Variants in DYM observed in about 807,000 individuals in gnomAD.
DYM encodes the protein dyggve-Melchior-Clausen syndrome protein.
DYM carries 78 observed loss-of-function variants against 93.1 expected under a neutral mutation model. The observed-to-expected ratio is 0.84, with a 90% confidence interval of 0.70 to 1.01. DYM has a LOEUF of 1.01. DYM is among the 50% of genes least tolerant of loss of function. The pLI is 0.00. For synonymous variants in DYM, 321 were observed against 319.7 expected (o/e 1.00, Z -0.04); for missense variants, 789 against 845.0 (o/e 0.93, Z 0.82).
intron 1 of DYM, among the ~76,000 whole-genome samples, chr18:49,433,163 G>A (rs575325102): frequency 5.9e-5 from 9 of 152,232 alleles, no homozygotes; most frequent in South Asian, 4.1e-4. Flanking sequence ...AACAGCTCCC[G>A]GATCAACCAG....
At chr18:49,368,065 T>C (rs887689922) in intron 5 of DYM, among the ~76,000 whole-genome samples, 3 of 152,192 alleles carry the variant, frequency 2.0e-5, no homozygotes, top group African/African-American at 7.2e-5. Context: ...GCAAAAGGAC[T>C]CTTCTAAAAA....
chr18:49,433,936 G>A (rs79393768), intron 1 of DYM, among the ~76,000 whole-genome samples: 13,853 of 152,138 alleles, frequency 0.091, 846 homozygotes, highest in East Asian at 0.31. Context: ...GTGGCCAGGC[G>A]CGGTCGCTCA....
At chr18:49,268,618 G>A (rs532681514) in intron 11 of DYM, among the ~76,000 whole-genome samples, 21 of 152,180 alleles carry the variant, frequency 1.4e-4, no homozygotes, top group African/African-American at 4.1e-4. Flanking sequence ...AGTTTTTTGT[G>A]TGGTTACAGT....
chr18:49,114,443 A>C (rs758898650), intron 16 of DYM: 2 of 569,706 alleles, frequency 3.5e-6, no homozygotes, highest in Non-Finnish European at 4.4e-6. Context: ...AAAAGTGAGC[A>C]CTGGGTATAA....
chr18:49,272,035 T>G (rs1162833009), intron 11 of DYM, 143 bp downstream of exon 11: 3 of 515,792 alleles, frequency 5.8e-6, no homozygotes, highest in Non-Finnish European at 9.7e-6. Context: ...CACCGCTTCA[T>G]AAATCTGAAG....
chr18:49,331,529 C>A (rs985655311), intron 8 of DYM, among the ~76,000 whole-genome samples: 2 of 152,166 alleles, frequency 1.3e-5, no homozygotes, highest in African/African-American at 4.8e-5. Flanking sequence ...AAATAGATTT[C>A]CTCTTATAAT....
At chr18:49,164,535 A>G (rs1302717679) in intron 14 of DYM, among the ~76,000 whole-genome samples, 3 of 152,222 alleles carry the variant, frequency 2.0e-5, no homozygotes, top group Non-Finnish European at 2.9e-5. Context: ...AGGCAGAGAG[A>G]GGAATTTAAC....
chr18:49,140,413 A>G (rs540254747), intron 15 of DYM, among the ~76,000 whole-genome samples: 6 of 152,326 alleles, frequency 3.9e-5, no homozygotes, highest in Admixed American at 1.3e-4. Flanking sequence ...AGAGATACTT[A>G]AATACATCCT....
intron 16 of DYM, chr18:49,114,362 GC>G (rs1568444065): frequency 4.2e-5 from 7 of 165,652 alleles, no homozygotes. Context: ...CAAATGTTTA[GC>G]CTGAGAATGC....
chr18:49,293,142 C>A (rs1328385713), intron 8 of DYM, among the ~76,000 whole-genome samples: 1 of 152,148 alleles, frequency 6.6e-6, no homozygotes, highest in Admixed American at 6.5e-5. Context: ...CATGTCCCTG[C>A]AAAGGACATG....
intron 15 of DYM, among the ~76,000 whole-genome samples, chr18:49,152,956 G>A (rs796071483): frequency 6.6e-6 from 1 of 152,194 alleles, no homozygotes; most frequent in East Asian, 1.9e-4. Context: ...TGGTTGCCAG[G>A]GGGTGGGGGA....
intron 14 of DYM, among the ~76,000 whole-genome samples, chr18:49,200,128 G>A (rs1173482897): frequency 6.6e-6 from 1 of 152,042 alleles, no homozygotes; most frequent in Non-Finnish European, 1.5e-5. Context: ...AAGTGGCATT[G>A]CATTATGTTA....
At chr18:49,333,616 C>T (rs1320731137) in intron 7 of DYM, 112 bp downstream of exon 7, 20 of 1,204,846 alleles carry the variant, frequency 1.7e-5, no homozygotes, top group Non-Finnish European at 2.4e-5. Flanking sequence ...AATAGAACAA[C>T]TAGAGGAAAT....
At chr18:49,438,096 C>A (rs918251683) in intron 1 of DYM, among the ~76,000 whole-genome samples, 14 of 152,272 alleles carry the variant, frequency 9.2e-5, no homozygotes, top group African/African-American at 2.9e-4. Context: ...ATCGCTTGAG[C>A]CCAGGAGTTC....
intron 6 of DYM, among the ~76,000 whole-genome samples, chr18:49,344,791 G>A (rs983936650): frequency 6.6e-6 from 1 of 151,946 alleles, no homozygotes; most frequent in African/African-American, 2.4e-5. Flanking sequence ...AAAAAGAAAT[G>A]GAAGAATTCC....
At chr18:49,167,900 C>T (rs1056502379) in intron 14 of DYM, among the ~76,000 whole-genome samples, 5 of 151,976 alleles carry the variant, frequency 3.3e-5, no homozygotes, top group Non-Finnish European at 7.4e-5. Context: ...TAATCAAGAA[C>T]AGAATGGGTA....
intron 1 of DYM, among the ~76,000 whole-genome samples, chr18:49,457,562 A>G (rs879704285): frequency 1.7e-4 from 26 of 152,200 alleles, no homozygotes; most frequent in Admixed American, 3.9e-4. Context: ...ATTATCTACA[A>G]TCCTAAGTAA....
chr18:49,072,287 G>C (rs902115756), intron 17 of DYM, among the ~76,000 whole-genome samples: 4 of 152,096 alleles, frequency 2.6e-5, no homozygotes, highest in Non-Finnish European at 5.9e-5. Context: ...TGCCAATAAG[G>C]TGATTCGTGT....
At chr18:49,433,938 G>A (rs1213437397) in intron 1 of DYM, among the ~76,000 whole-genome samples, 1 of 152,042 alleles carries the variant, frequency 6.6e-6, no homozygotes, top group Non-Finnish European at 1.5e-5. Flanking sequence ...GGCCAGGCGC[G>A]GTCGCTCACA....
Sources: gnomAD v4.1 joint callset for allele counts (sites outside exome capture counted in the v4.1 genomes callset) on GRCh38, gnomAD v4.1.1 for gene constraint, MANE v1.5 for transcripts, NCBI Gene and HGNC (gene_info 2026-07-23, HGNC 2026-07-21) for gene names.